Variants in LRCH2 observed in about 807,000 individuals in gnomAD.
LRCH2 encodes leucine rich repeats and calponin homology domain containing 2.
LRCH2 carries 38 observed loss-of-function variants against 68.9 expected under a neutral mutation model. That is an observed-to-expected ratio of 0.55 (90% CI 0.43 to 0.72). The LOEUF (loss-of-function observed/expected upper bound fraction) is 0.72. Ranked by LOEUF, LRCH2 falls within the 30% of genes least tolerant of loss-of-function variation. LRCH2 has a pLI of 0.00. For missense variants in LRCH2, 528 were observed against 572.9 expected (o/e 0.92, Z 0.80); for synonymous variants, 191 against 208.1 (o/e 0.92, Z 0.71).
At chrX:115,229,748 T>C (rs1007502404) in intron 1 of LRCH2, among the ~76,000 whole-genome samples, 4 of 111,818 alleles carry the variant, frequency 3.6e-5, no homozygotes, top group Non-Finnish European at 7.5e-5. Context: ...TTCCACTAAA[T>C]GCACTGAGAG....
intron 1 of LRCH2, among the ~76,000 whole-genome samples, chrX:115,204,217 T>A (rs1556567190): frequency 1.8e-5 from 2 of 113,265 alleles, no homozygotes; most frequent in Non-Finnish European, 3.7e-5. Flanking sequence ...GTCATGAGGC[T>A]GCACAGAGCA....
At position 115,214,254 on chromosome X, in the gene LRCH2, A is replaced by G. The variant is rs782224632; in HGVS notation, c.349+19439T>C. Among the ~76,000 whole-genome samples, 34 of 112,385 alleles carry G rather than the reference A, an allele frequency of 3.0e-4. No homozygotes were observed. The South Asian group carries it at 0.012, about 41-fold the overall frequency. On this transcript the variant is annotated intron_variant, in intron 1 of 20. Coordinates refer to ENST00000317135, the MANE Select transcript of LRCH2 (RefSeq NM_020871.4). ...AAGAACTGTTAAGACTAGAAACAAA[A>G]GCAGCAAGAAAACAGAAGGCACCAC...
intron 1 of LRCH2, among the ~76,000 whole-genome samples, chrX:115,210,756 C>T (rs1368430817): frequency 9.0e-6 from 1 of 111,602 alleles, no homozygotes; most frequent in African/African-American, 3.3e-5. Context: ...GAGGCTGTAC[C>T]CTGCTAAGCC....
intron 12 of LRCH2, among the ~76,000 whole-genome samples, chrX:115,152,921 T>G (rs1381435843): frequency 9.0e-6 from 1 of 110,756 alleles, no homozygotes; most frequent in Non-Finnish European, 1.9e-5. Flanking sequence ...TAGAAAACAG[T>G]ACAATCCAGA....
In LRCH2 at chrX:115,149,873, C is replaced by A; in HGVS notation, c.1649G>T (p.Ser550Ile). 3 of 1,206,010 alleles carry A rather than the reference C, an allele frequency of 2.5e-6. No homozygotes were observed. The highest frequency in any genetic ancestry group is 3.4e-6 in the Non-Finnish European group (3 of 891,791). ...CTGTTTGCTCCGCCTCCTTTCTTCACTCTGCCAGATTATAGGGTGAGATTC... is the reference window on the plus strand; with the variant it reads ...CTGTTTGCTCCGCCTCCTTTCTTCAATCTGCCAGATTATAGGGTGAGATTC... ...WPESHPIIWQ[S>I]EERRRSKQIR... The change falls in exon 14 of 21, where the codon AGT (serine) becomes ATT (isoleucine). Residue 550 changes from serine to isoleucine, a missense_variant. Physicochemically the swap from Ser to Ile is moderately radical, Grantham distance 142. Transcript: ENST00000317135.
intron 14 of LRCH2, among the ~76,000 whole-genome samples, chrX:115,137,786 T>G (rs1161994825): frequency 9.1e-6 from 1 of 110,416 alleles, no homozygotes; most frequent in Non-Finnish European, 1.9e-5. Context: ...CCTTCTCTAC[T>G]AAAAATACAA....
rs1323749746 is a variant in LRCH2, at chrX:115,193,914, CTTA to C, written c.350-5547_350-5545del. On this transcript the variant is annotated intron_variant, in intron 1 of 20. Transcript: ENST00000317135. Reference sequence around the variant, plus strand: ...TTTACTTTGCTCACACTAGCTCATACTTATTTAGTTAAAAATGTAAGAAAATTT... The same window carrying C: ...TTTACTTTGCTCACACTAGCTCATACTTTAGTTAAAAATGTAAGAAAATTT... Among the ~76,000 whole-genome samples the C allele has an allele frequency of 6.3e-5, 7 of 111,615 alleles. No homozygotes were observed. In the East Asian group the frequency reaches 2.0e-3, roughly 31 times the overall value.
intron 2 of LRCH2, among the ~76,000 whole-genome samples, chrX:115,185,862 G>A (rs2072727515): frequency 2.7e-5 from 3 of 111,289 alleles, no homozygotes; most frequent in African/African-American, 9.8e-5. Context: ...TTCATACCAG[G>A]GCACACAAGG....
chrX:115,210,085 G>C (rs2072995984), intron 1 of LRCH2, among the ~76,000 whole-genome samples: 1 of 111,995 alleles, frequency 8.9e-6, no homozygotes, highest in African/African-American at 3.2e-5. Context: ...TGATAGAAAA[G>C]AAAATCCCAT....
intron 2 of LRCH2, among the ~76,000 whole-genome samples, chrX:115,186,441 T>C (rs2072732294): frequency 9.0e-6 from 1 of 111,469 alleles, no homozygotes; most frequent in Non-Finnish European, 1.9e-5. Context: ...TTATTAATTG[T>C]CACTATTTTA....
chrX:115,187,410 A>C (rs894734823), intron 2 of LRCH2, among the ~76,000 whole-genome samples: 2 of 112,325 alleles, frequency 1.8e-5, no homozygotes, highest in Non-Finnish European at 3.8e-5. Context: ...TTTGGCAGGG[A>C]AAGTTTTTTT....
At chrX:115,203,661 T>C (rs2072945185) in intron 1 of LRCH2, among the ~76,000 whole-genome samples, 1 of 112,300 alleles carries the variant, frequency 8.9e-6, no homozygotes, top group Admixed American at 9.4e-5. Flanking sequence ...AGCTTAAAGT[T>C]CCAAAATAAT....
At chrX:115,125,491 A>G (rs1261717079) in intron 16 of LRCH2, among the ~76,000 whole-genome samples, 7 of 50 alleles carry the variant, frequency 0.14, 2 homozygotes, top group African/African-American at 0.23. Context: ...ATATATATAT[A>G]TATATATATA....
rs1379270470 is a variant in LRCH2, at chrX:115,112,121, G to A, written c.*1095C>T. 9.0e-6 allele frequency: 1 copy of A among 111,361 alleles called. No individual in the cohort carries two copies. The highest frequency in any genetic ancestry group is 1.9e-5 in the Non-Finnish European group (1 of 52,895). The allele number at this position is 111,361 out of a possible 1,213,427, so 9.2% of individuals were successfully genotyped here. On this transcript the variant is annotated 3_prime_UTR_variant, in exon 21 of 21. Transcript: ENST00000317135. ...CATCAAAGTAATTGAAGATCACAAG[G>A]TTTACAGGATTCACAAATGGCCAGA...
intron 14 of LRCH2, among the ~76,000 whole-genome samples, chrX:115,134,983 G>A (rs1279800130): frequency 2.7e-5 from 3 of 111,404 alleles, no homozygotes; most frequent in East Asian, 5.6e-4. Context: ...CAACATTAAC[G>A]AGAGTTTGGA....
At chrX:115,191,642 G>A in intron 1 of LRCH2, 1 of 1,159,451 alleles carries the variant, frequency 8.6e-7, no homozygotes, top group Non-Finnish European at 1.2e-6. Flanking sequence ...GGCCACGACA[G>A]TTCCAGCCAG....
intron 20 of LRCH2, among the ~76,000 whole-genome samples, chrX:115,119,869 A>G (rs1456377628): frequency 9.1e-6 from 1 of 109,880 alleles, no homozygotes; most frequent in Non-Finnish European, 1.9e-5. Context: ...AACACCGCAT[A>G]CCTACAACTG....
intron 1 of LRCH2, among the ~76,000 whole-genome samples, chrX:115,200,635 TA>T (rs781811048): frequency 0.037 from 3,632 of 97,382 alleles, 75 homozygotes; most frequent in African/African-American, 0.079. Flanking sequence ...GAATCAGTAG[TA>T]AAAAAAAAAA....
At chrX:115,182,230 G>A (rs1195128858) in intron 3 of LRCH2, among the ~76,000 whole-genome samples, 6 of 111,442 alleles carry the variant, frequency 5.4e-5, no homozygotes, top group South Asian at 3.7e-4. Context: ...ATTACATCAT[G>A]TAATGTAATT....
Sources: allele counts gnomAD v4.1 joint callset (sites outside exome capture counted in the v4.1 genomes callset), GRCh38; gene constraint gnomAD v4.1.1; transcripts MANE v1.5; gene names NCBI Gene and HGNC (gene_info 2026-07-23, HGNC 2026-07-21).